The following ITGA8 variants were observed in gnomAD, a reference collection of about 807,000 sequenced individuals.
ITGA8 encodes the protein integrin subunit alpha 8, also known as integrin alpha-8.
In ITGA8, 91 loss-of-function variants were observed where a neutral mutation model predicts 142.3. That is an observed-to-expected ratio of 0.64 (90% CI 0.54 to 0.76). ITGA8 has a LOEUF of 0.76. Ranked by LOEUF, ITGA8 falls within the 30% of genes least tolerant of loss-of-function variation. The probability of loss-of-function intolerance (pLI) is 0.00; values close to 1 mark genes in which losing one functional copy is unlikely to be tolerated. For missense variants in ITGA8, 1,406 were observed against 1,327.7 expected (o/e 1.06, Z -0.92); for synonymous variants, 505 against 485.2 (o/e 1.04, Z -0.54).
At chr10:15,646,316 T>C (rs1340345377) in intron 12 of ITGA8, among the ~76,000 whole-genome samples, 1 of 152,172 alleles carries the variant, frequency 6.6e-6, no homozygotes, top group African/African-American at 2.4e-5. Flanking sequence ...AGATGTTATT[T>C]TGAAGTTTGC....
Position 15,531,142 on chromosome 10 carries a change from C to CA in ITGA8, c.2889dup (p.Asp964Ter). ...ACCAGGGATGCAAGAGCATAGGGAT[C>CA]ATTTTTTCTCTGAAAGTAAAAGTAT... On this transcript the variant is annotated frameshift_variant, in exon 28 of 30. Coordinates refer to ENST00000378076, the MANE Select transcript of ITGA8 (RefSeq NM_003638.3). LOFTEE classifies it high-confidence loss of function. 6.7e-7 allele frequency: 1 copy of CA among 1,487,892 alleles called. No homozygotes were observed. The highest frequency in any genetic ancestry group is 2.4e-5 in the Admixed American group (1 of 42,052). The allele number at this position is 1,487,892 out of a possible 1,614,324, so 92.2% of individuals were successfully genotyped here.
intron 20 of ITGA8, among the ~76,000 whole-genome samples, chr10:15,603,374 C>G (rs759478157): frequency 3.3e-5 from 5 of 152,138 alleles, no homozygotes; most frequent in Non-Finnish European, 7.4e-5. Context: ...TACATTTAAG[C>G]TAAATGAACA....
intron 17 of ITGA8, 62 bp downstream of exon 17, chr10:15,607,614 GA>G: frequency 6.7e-7 from 1 of 1,499,334 alleles, no homozygotes; most frequent in Non-Finnish European, 9.3e-7. Context: ...GTTAAATGGA[GA>G]AAAATGGTTG....
At chr10:15,718,933 C>A (rs746996416) in intron 1 of ITGA8, 34 bp from the exon 2 acceptor site, 3 of 1,613,226 alleles carry the variant, frequency 1.9e-6, no homozygotes, top group Admixed American at 1.7e-5. Context: ...ACTCTTTGGG[C>A]GCCACAAAAC....
chr10:15,604,619 T>C (rs1833162166), intron 19 of ITGA8, among the ~76,000 whole-genome samples: 1 of 151,392 alleles, frequency 6.6e-6, no homozygotes, highest in African/African-American at 2.4e-5. Context: ...TTATAGCATT[T>C]TCAGATTCCA....
intron 28 of ITGA8, among the ~76,000 whole-genome samples, chr10:15,519,658 A>G (rs367645090): frequency 2.6e-5 from 4 of 152,090 alleles, no homozygotes; most frequent in African/African-American, 7.2e-5. Context: ...GCATCACAGA[A>G]ACCCTAGAAT....
At chr10:15,704,841 G>A (rs1835228338) in intron 2 of ITGA8, among the ~76,000 whole-genome samples, 1 of 152,188 alleles carries the variant, frequency 6.6e-6, no homozygotes. Flanking sequence ...GATGAAGGCT[G>A]TATAAATTTG....
At chr10:15,695,015 G>GA (rs890253926) in intron 2 of ITGA8, among the ~76,000 whole-genome samples, 5 of 151,990 alleles carry the variant, frequency 3.3e-5, no homozygotes, top group African/African-American at 4.8e-5. Flanking sequence ...AATTCTAGGG[G>GA]AAAAAATAAG....
At chr10:15,704,636 A>G (rs1273407778) in intron 2 of ITGA8, among the ~76,000 whole-genome samples, 1 of 152,208 alleles carries the variant, frequency 6.6e-6, no homozygotes, top group African/African-American at 2.4e-5. Context: ...GAGAACTCTC[A>G]ATATGGCTTC....
At chr10:15,701,845 G>A (rs960551320) in intron 2 of ITGA8, among the ~76,000 whole-genome samples, 2 of 152,152 alleles carry the variant, frequency 1.3e-5, no homozygotes, top group African/African-American at 4.8e-5. Context: ...ATCATGAAAA[G>A]GGTAGAAGAA....
At chr10:15,526,025 T>C (rs1212295812) in intron 28 of ITGA8, among the ~76,000 whole-genome samples, 1 of 152,208 alleles carries the variant, frequency 6.6e-6, no homozygotes, top group Non-Finnish European at 1.5e-5. Flanking sequence ...TTTTTAAGTT[T>C]ACATTGAAAT....
chr10:15,571,481 T>A, intron 25 of ITGA8, among the ~76,000 whole-genome samples: 1 of 152,376 alleles, frequency 6.6e-6, no homozygotes, highest in East Asian at 1.9e-4. Context: ...CTTATGCTAA[T>A]TAATTTCTTT....
chr10:15,639,565 G>A (rs1388447809), intron 13 of ITGA8, among the ~76,000 whole-genome samples: 2 of 152,216 alleles, frequency 1.3e-5, no homozygotes, highest in Non-Finnish European at 2.9e-5. Flanking sequence ...GTGAAGGCCA[G>A]CAGTAAGGGC....
At chr10:15,551,336 A>T (rs1833790420) in intron 26 of ITGA8, among the ~76,000 whole-genome samples, 1 of 152,102 alleles carries the variant, frequency 6.6e-6, no homozygotes, top group African/African-American at 2.4e-5. Context: ...GAAATCTTAG[A>T]TGAGAATTTC....
intron 21 of ITGA8, among the ~76,000 whole-genome samples, chr10:15,594,808 G>C (rs1588664581): frequency 6.6e-6 from 1 of 152,248 alleles, no homozygotes; most frequent in East Asian, 1.9e-4. Flanking sequence ...AATGCCAAAA[G>C]AATGATGAGA....
chr10:15,554,815 C>T (rs928223015), intron 26 of ITGA8, among the ~76,000 whole-genome samples: 1 of 151,410 alleles, frequency 6.6e-6, no homozygotes, highest in Admixed American at 6.6e-5. Context: ...GGAAGCATGA[C>T]TGGGAGGCCT....
chr10:15,626,314 G>T (rs1203806442), intron 13 of ITGA8, among the ~76,000 whole-genome samples: 1 of 151,998 alleles, frequency 6.6e-6, no homozygotes, highest in African/African-American at 2.4e-5. Flanking sequence ...CTCTCCTCCC[G>T]GGTTCAAGCA....
At chr10:15,613,571 G>C in intron 15 of ITGA8, 89 bp downstream of exon 15, 1 of 949,070 alleles carries the variant, frequency 1.1e-6, no homozygotes, top group South Asian at 1.4e-5. Flanking sequence ...CCCTACCCCA[G>C]ACTTACTGAA....
At chr10:15,557,236 T>G (rs2131566350) in intron 26 of ITGA8, among the ~76,000 whole-genome samples, 1 of 152,078 alleles carries the variant, frequency 6.6e-6, no homozygotes, top group Middle Eastern at 3.4e-3. Flanking sequence ...AAAAATTAGC[T>G]GGGCATGGTG....
Sources: gnomAD v4.1 joint callset for allele counts (sites outside exome capture counted in the v4.1 genomes callset) on GRCh38, gnomAD v4.1.1 for gene constraint, MANE v1.5 for transcripts, NCBI Gene and HGNC (gene_info 2026-07-23, HGNC 2026-07-21) for gene names.